Variants in AMPH observed in about 807,000 individuals in gnomAD.
The protein encoded by AMPH is amphiphysin (Stiff-Mann syndrome with breast cancer 128kD autoantigen).
A neutral mutation model predicts 99.1 loss-of-function variants in AMPH; 49 were observed. The ratio of observed to expected loss-of-function variants is 0.49; its 90% confidence interval spans 0.39 to 0.63. AMPH has a LOEUF of 0.63. Ranked by LOEUF, AMPH falls within the 20% of genes least tolerant of loss-of-function variation. AMPH has a pLI of 0.00. For synonymous variants in AMPH, 314 were observed against 317.3 expected (o/e 0.99, Z 0.11); for missense variants, 759 against 863.4 (o/e 0.88, Z 1.52).
chr7:38,489,850 G>A (rs566895254), intron 5 of AMPH, among the ~76,000 whole-genome samples: 9 of 152,200 alleles, frequency 5.9e-5, no homozygotes, highest in East Asian at 3.9e-4. Flanking sequence ...TTTCAGTTAC[G>A]TAAGATGAAT....
intron 2 of AMPH, among the ~76,000 whole-genome samples, chr7:38,508,280 G>C (rs1789407487): frequency 6.6e-6 from 1 of 152,044 alleles, no homozygotes; most frequent in Non-Finnish European, 1.5e-5. Context: ...AAATGCACAA[G>C]AAAAAACAAA....
intron 5 of AMPH, among the ~76,000 whole-genome samples, chr7:38,480,068 A>C (rs78817369): frequency 2.0e-5 from 3 of 151,640 alleles, no homozygotes; most frequent in East Asian, 1.9e-4. Context: ...GAAAAAAAAA[A>C]CACAATAATA....
intron 10 of AMPH, 27 bp downstream of exon 10, chr7:38,462,947 TC>T: frequency 6.6e-7 from 1 of 1,525,112 alleles, no homozygotes; most frequent in East Asian, 2.3e-5. Context: ...ATGAGCTCTA[TC>T]CCCCAATATA....
chr7:38,404,850 C>T (rs1784938743), intron 17 of AMPH, among the ~76,000 whole-genome samples: 1 of 152,142 alleles, frequency 6.6e-6, no homozygotes, highest in Admixed American at 6.5e-5. Flanking sequence ...ATACAAAAAA[C>T]TCAGAGAACA....
intron 2 of AMPH, among the ~76,000 whole-genome samples, chr7:38,527,498 T>C (rs1240590947): frequency 6.6e-6 from 1 of 152,198 alleles, no homozygotes; most frequent in Admixed American, 6.5e-5. Flanking sequence ...TTCTTTTTCT[T>C]TGGAGTGATT....
chr7:38,496,034 C>T (rs1240846098), intron 3 of AMPH, among the ~76,000 whole-genome samples: 9 of 152,132 alleles, frequency 5.9e-5, no homozygotes, highest in Non-Finnish European at 1.0e-4. Flanking sequence ...GGGACCTGGC[C>T]ACATTGATGT....
chr7:38,445,004 T>C (rs1388538516), intron 11 of AMPH, among the ~76,000 whole-genome samples: 2 of 125,018 alleles, frequency 1.6e-5, no homozygotes, highest in African/African-American at 3.1e-5. Context: ...TATATATATA[T>C]ATATATACAC....
intron 10 of AMPH, among the ~76,000 whole-genome samples, chr7:38,462,542 C>T (rs1453590963): frequency 6.6e-6 from 1 of 152,106 alleles, no homozygotes; most frequent in Non-Finnish European, 1.5e-5. Flanking sequence ...AGTGTGTGTA[C>T]TAAAAAATGT....
At chr7:38,487,352 C>T (rs1397198891) in intron 5 of AMPH, among the ~76,000 whole-genome samples, 1 of 152,004 alleles carries the variant, frequency 6.6e-6, no homozygotes, top group African/African-American at 2.4e-5. Context: ...AGAACAGAGG[C>T]CTCAGAAATA....
At position 38,384,819 on chromosome 7, in the gene AMPH, T is replaced by C; in HGVS notation, c.2087A>G (p.Ter696TrpextTer18). 6.2e-7 allele frequency: 1 copy of C among 1,613,728 alleles called. No homozygotes were observed. The highest frequency in any genetic ancestry group is 1.1e-5 in the South Asian group (1 of 91,074). ...CTCCTTCTTGCAGTACTTGTTGCCC[T>C]AATCTAAGCGTCGGGTGAAGTTCTC... The part of the protein sequence containing the change: ...FPENFTRRLD[*>W] Residue 696 changes from the stop codon to tryptophan (W), a stop_lost, in exon 21 of 21, where the codon TAG becomes TGG. Coordinates refer to ENST00000356264, the MANE Select transcript of AMPH (RefSeq NM_001635.4).
In AMPH at chr7:38,427,154, A is replaced by G. The variant is rs948995302; in HGVS notation, c.1183-168T>C. ...TTAGGAAATGCAAAGGCCACACTGT[A>G]TGATTTTAAATAGGCTGACAAAAAA... is the stretch of plus-strand genomic sequence containing the variant. On this transcript the variant is annotated intron_variant, in intron 14 of 20. Coordinates refer to ENST00000356264, the MANE Select transcript of AMPH (RefSeq NM_001635.4). Among the ~76,000 whole-genome samples, 7 of 146,154 alleles carry G rather than the reference A, an allele frequency of 4.8e-5. No homozygotes were observed. The Admixed American group carries it at 5.0e-4, about 10-fold the overall frequency.
intron 17 of AMPH, among the ~76,000 whole-genome samples, chr7:38,409,222 ATTGCCTTTTC>A (rs1387771820): frequency 6.6e-6 from 1 of 152,190 alleles, no homozygotes; most frequent in African/African-American, 2.4e-5. Context: ...GCAGGGCACC[ATTGCCTTTTC>A]TTGCCCATCT....
At chr7:38,576,316 T>C (rs1201525497) in intron 1 of AMPH, among the ~76,000 whole-genome samples, 1 of 152,240 alleles carries the variant, frequency 6.6e-6, no homozygotes, top group African/African-American at 2.4e-5. Flanking sequence ...ATTCTTTTTA[T>C]TGGTCCTCTT....
At chr7:38,439,573 C>A (rs1392974641) in intron 11 of AMPH, among the ~76,000 whole-genome samples, 1 of 152,180 alleles carries the variant, frequency 6.6e-6, no homozygotes, top group Non-Finnish European at 1.5e-5. Flanking sequence ...CTTAACAAGA[C>A]AAATGAATCC....
At position 38,447,948 on chromosome 7, in the gene AMPH, G is replaced by C. The variant is rs7790455; in HGVS notation, c.1018-11560C>G. Among the ~76,000 whole-genome samples the C allele has an allele frequency of 4.8e-3, 735 of 152,188 alleles. 8 individuals are homozygous for C. The highest frequency in any genetic ancestry group is 0.017 in the African/African-American group (704 of 41,506). ...ATCCTAAGTATTGTGCTGGACACTT[G>C]TGACTTCCCAATGAGGCAAAAGAGG... On this transcript the variant is annotated intron_variant, in intron 11 of 20. Transcript: ENST00000356264.
intron 1 of AMPH, among the ~76,000 whole-genome samples, chr7:38,608,367 C>T (rs1190722567): frequency 6.6e-6 from 1 of 152,208 alleles, no homozygotes; most frequent in Non-Finnish European, 1.5e-5. Flanking sequence ...GCAACGTGCT[C>T]TCTCTGCCAG....
chr7:38,460,037 T>C (rs1312820180), intron 11 of AMPH, among the ~76,000 whole-genome samples: 1 of 151,860 alleles, frequency 6.6e-6, no homozygotes, highest in Non-Finnish European at 1.5e-5. Flanking sequence ...AGGACATAAA[T>C]AGACATTTCT....
At chr7:38,518,590 T>G (rs542730683) in intron 2 of AMPH, among the ~76,000 whole-genome samples, 16 of 152,344 alleles carry the variant, frequency 1.1e-4, no homozygotes, top group African/African-American at 3.8e-4. Context: ...CTTGTCTATT[T>G]ATCCCCTTTA....
chr7:38,423,140 G>A (rs538242738), intron 15 of AMPH, among the ~76,000 whole-genome samples: 2 of 152,260 alleles, frequency 1.3e-5, no homozygotes, highest in South Asian at 4.1e-4. Flanking sequence ...AGTGGTTGAA[G>A]CTCCAAAATT....
Sources: allele counts gnomAD v4.1 joint callset (sites outside exome capture counted in the v4.1 genomes callset), GRCh38; gene constraint gnomAD v4.1.1; transcripts MANE v1.5; gene names NCBI Gene and HGNC (gene_info 2026-07-23, HGNC 2026-07-21).